Variants in OGA observed in about 807,000 individuals in gnomAD.
The protein encoded by OGA is protein O-GlcNAcase.
In OGA, 21 loss-of-function variants were observed where a neutral mutation model predicts 102.0. That is an observed-to-expected ratio of 0.21 (90% CI 0.15 to 0.30). OGA has a LOEUF of 0.30. Among genes scored for constraint, OGA ranks in the 10% least tolerant of loss-of-function variants. The pLI is 1.00. For missense variants in OGA, 765 were observed against 1,107.8 expected (o/e 0.69, Z 4.39); for synonymous variants, 408 against 378.2 (o/e 1.08, Z -0.91).
chr10:101,795,012 A>G (rs1425381245), intron 10 of OGA, among the ~76,000 whole-genome samples: 1 of 152,210 alleles, frequency 6.6e-6, no homozygotes, highest in African/African-American at 2.4e-5. Context: ...CAGGCCCATT[A>G]AGAGTTTGTA....
At chr10:101,815,963 G>GAAAAAAAAA (rs1364147466) in intron 1 of OGA, among the ~76,000 whole-genome samples, 14 of 44,946 alleles carry the variant, frequency 3.1e-4, no homozygotes, top group Non-Finnish European at 5.5e-4. Context: ...CAAAAAGAGA[G>GAAAAAAAAA]AAAAAAAAAA....
chr10:101,817,886 C>T lies in OGA; in HGVS notation c.137G>A (p.Gly46Glu), dbSNP rs3740421. Residue 46 changes from glycine to glutamate, a missense_variant, in exon 1 of 16, where the codon GGG becomes GAG. Coordinates refer to ENST00000361464, the MANE Select transcript of OGA (RefSeq NM_012215.5). ...APGEDNPAGAGGAAVAGAAGG... is the reference protein window; with the variant it reads ...APGEDNPAGAEGAAVAGAAGG... ...TGCAGCCCCGGCCACCGCCGCTCCC[C>T]CAGCCCCGGCGGGGTTGTCTTCTCC... is the stretch of plus-strand genomic sequence containing the variant. The T allele has an allele frequency of 5.1e-3, 7,997 of 1,556,740 alleles. 63 individuals are homozygous for T. The highest frequency in any genetic ancestry group is 0.019 in the East Asian group (801 of 41,514).
intron 7 of OGA, among the ~76,000 whole-genome samples, chr10:101,801,680 T>C (rs1002647466): frequency 3.9e-5 from 6 of 152,154 alleles, no homozygotes; most frequent in South Asian, 2.1e-4. Flanking sequence ...TTGTTTTTTA[T>C]TGAGGGGAGG....
intron 7 of OGA, among the ~76,000 whole-genome samples, 172 bp downstream of exon 7, chr10:101,803,563 T>C (rs538540405): frequency 6.6e-6 from 1 of 151,792 alleles, no homozygotes; most frequent in African/African-American, 2.4e-5. Flanking sequence ...TGAAACAACA[T>C]ACCATAATAA....
Position 101,817,848 on chromosome 10 carries a change from G to C in OGA, c.175C>G (p.Arg59Gly), listed in dbSNP as rs1180972198. 1.3e-6 allele frequency: 2 copies of C among 1,540,646 alleles called. No homozygotes were observed. The highest frequency in any genetic ancestry group is 2.4e-5 in the East Asian group (1 of 40,980). The change falls in exon 1 of 16, where the codon CGG becomes GGG. Residue 59 changes from arginine to glycine, a missense_variant. Arg to Gly is a moderately radical substitution (Grantham distance 125). Coordinates refer to ENST00000361464, the MANE Select transcript of OGA (RefSeq NM_012215.5). ...AVAGAAGGAR[R>G]FLCGVVEGFY... ...CCTTCCACCACACCGCAGAGGAACC[G>C]CCGAGCCCCTCCTGCAGCCCCGGCC...
rs146990045 is a variant in OGA, at chr10:101,788,522, G to A, written c.2455-999C>T. On this transcript the variant is annotated intron_variant, in intron 14 of 15. Coordinates refer to ENST00000361464, the MANE Select transcript of OGA (RefSeq NM_012215.5). The stretch of plus-strand genomic sequence containing the variant: ...GAGGCCGAGACAGGTGAATCACAAG[G>A]TCAGGAGTTTGAGACCAGCCTGGCC... 1.4e-3 allele frequency among the ~76,000 whole-genome samples: 219 copies of A among 151,574 alleles called. 1 individual carries two copies. Among genetic ancestry groups the A allele is most frequent in the African/African-American group, 5.1e-3 (212 of 41,302 alleles).
At chr10:101,789,628 A>G (rs973334631) in intron 14 of OGA, among the ~76,000 whole-genome samples, 1 of 152,152 alleles carries the variant, frequency 6.6e-6, no homozygotes, top group East Asian at 1.9e-4. Flanking sequence ...AGGGGTCCAA[A>G]TATCTTATTT....
chr10:101,790,448 T>G (rs2065246813), intron 14 of OGA, among the ~76,000 whole-genome samples: 1 of 151,990 alleles, frequency 6.6e-6, no homozygotes, highest in African/African-American at 2.4e-5. Context: ...AATTTTTTTT[T>G]GTATTTTTAG....
At position 101,807,881 on chromosome 10, in the gene OGA, T is replaced by C. The variant is rs2065496352; in HGVS notation, c.501A>G (p.Arg167=). The C allele has an allele frequency of 6.5e-7, 1 of 1,532,944 alleles. No homozygotes were observed. 95.0% of individuals were successfully genotyped at this position (1,532,944 alleles called of 1,614,324 possible). The part of the protein sequence containing the change: ...KLDQVSQFGC[R]SFALLFDDID... ...TATCATCAAAAAGCAAAGCAAATGA[T>C]CTGCACCCAAACTGAGAAACCTAGG... Residue 167 remains arginine (R), a synonymous_variant, in exon 5 of 16, where the codon AGA becomes AGG. Transcript: ENST00000361464.
chr10:101,807,788 G>A lies in OGA; in HGVS notation c.594C>T (p.Ile198=). The change falls in exon 5 of 16, where the codon ATC becomes ATT. Residue 198 remains isoleucine (I), a synonymous_variant. Coordinates refer to ENST00000361464, the MANE Select transcript of OGA (RefSeq NM_012215.5). Reference sequence around the variant, plus strand: ...CTAGGTACTGATAGATTTCATTTGTGATGGAGACTTGGGCATGAGCAAAAG... The same window carrying A: ...CTAGGTACTGATAGATTTCATTTGTAATGGAGACTTGGGCATGAGCAAAAG... ...FSSFAHAQVS[I]TNEIYQYLGE... 1 of 1,612,334 alleles carries A rather than the reference G, an allele frequency of 6.2e-7. No individual in the cohort carries two copies. The highest frequency in any genetic ancestry group is 8.5e-7 in the Non-Finnish European group (1 of 1,179,228).
At chr10:101,798,462 G>A (rs2065346300) in intron 9 of OGA, among the ~76,000 whole-genome samples, 1 of 148,134 alleles carries the variant, frequency 6.8e-6, no homozygotes, top group African/African-American at 2.5e-5. Flanking sequence ...CCAGGCTGGA[G>A]TACAATGGCA....
intron 14 of OGA, among the ~76,000 whole-genome samples, chr10:101,789,479 C>G (rs1273385828): frequency 6.6e-6 from 1 of 151,794 alleles, no homozygotes; most frequent in Non-Finnish European, 1.5e-5. Context: ...GCCTGGGCAA[C>G]AAGAGCAAGA....
intron 7 of OGA, among the ~76,000 whole-genome samples, chr10:101,802,650 C>G (rs1202808769): frequency 1.4e-5 from 2 of 147,674 alleles, no homozygotes; most frequent in African/African-American, 5.0e-5. Flanking sequence ...GCCTGGGCAA[C>G]AAGAGCAAGA....
At chr10:101,791,550 C>G (rs2135032749) in intron 12 of OGA, 111 bp from the exon 13 acceptor site, 1 of 723,438 alleles carries the variant, frequency 1.4e-6, no homozygotes, top group South Asian at 1.6e-5. Flanking sequence ...CTGTCAGAAA[C>G]ATCTATCAGA....
chr10:101,795,383 A>G (rs553197956), intron 10 of OGA, among the ~76,000 whole-genome samples: 1 of 152,384 alleles, frequency 6.6e-6, no homozygotes, highest in Admixed American at 6.5e-5. Flanking sequence ...CCTCACAGAT[A>G]GAACCTTGCA....
rs149208353 is a variant in OGA at position 101,799,002 on chromosome 10, G to T, written c.1649C>A (p.Ala550Glu). The change falls in exon 9 of 16, where the codon GCG becomes GAG. Residue 550 changes from alanine (A) to glutamate (E), a missense_variant. Physicochemically the swap from Ala to Glu is moderately radical, Grantham distance 107. Around this residue, in one of 7 missense-constraint regions of OGA, gnomAD observed 281 missense variants for 345.8 expected, o/e 0.81. Coordinates refer to ENST00000361464, the MANE Select transcript of OGA (RefSeq NM_012215.5). ...CAAATCCTCCAGGGTCACTGGTTCC[G>T]CAGTGTACAAAGGCTTTTCATTTGG... ...PGPNEKPLYT[A>E]EPVTLEDLQL... 1.9e-6 allele frequency: 3 copies of T among 1,614,148 alleles called. No individual in the cohort carries two copies. In the South Asian group the frequency reaches 3.3e-5, roughly 18 times the overall value.
At chr10:101,793,095 CCT>C (rs1309931510) in intron 11 of OGA, 152 bp from the exon 12 acceptor site, 1 of 551,724 alleles carries the variant, frequency 1.8e-6, no homozygotes, top group East Asian at 3.0e-5. Flanking sequence ...AATAGAAATA[CCT>C]CTTTGCTGGG....
At chr10:101,808,023 ATTG>A (rs2065498649) in intron 4 of OGA, 122 bp from the exon 5 acceptor site, 4 of 850,896 alleles carry the variant, frequency 4.7e-6, no homozygotes, top group Non-Finnish European at 4.9e-6. Flanking sequence ...AGACAGATTT[ATTG>A]TTTTTACATT....
At position 101,798,842 on chromosome 10, in the gene OGA, T is replaced by C; in HGVS notation, c.1809A>G (p.Lys603=). The change falls in exon 9 of 16, where the codon AAA becomes AAG. Residue 603 remains lysine (K), a splice_region_variant and synonymous_variant. Transcript: ENST00000361464. Reference sequence around the variant, plus strand: ...CAGCAGGTACATTAAACATACTCACTTTTTCAGAGTCTTTTCCTTTGCAAT... The same window carrying C: ...CAGCAGGTACATTAAACATACTCACCTTTTCAGAGTCTTTTCCTTTGCAAT... The part of the protein sequence containing the change: ...SVNCKGKDSE[K]IEEWRSRAAK... 1 of 1,610,194 alleles carries C rather than the reference T, an allele frequency of 6.2e-7. No individual in the cohort carries two copies. Among genetic ancestry groups the C allele is most frequent in the Non-Finnish European group, 8.5e-7 (1 of 1,177,626 alleles).
Sources: allele counts gnomAD v4.1 joint callset (sites outside exome capture counted in the v4.1 genomes callset), GRCh38; gene constraint gnomAD v4.1.1; regional missense constraint gnomAD v4.1.1; transcripts MANE v1.5; gene names NCBI Gene and HGNC (gene_info 2026-07-23, HGNC 2026-07-21).